MAP7D3: variants seen among roughly 807,000 people sequenced by gnomAD.
The protein encoded by MAP7D3 is MAP7 domain-containing protein 3.
MAP7D3 carries 45 observed loss-of-function variants against 62.2 expected under a neutral mutation model. The observed-to-expected ratio is 0.72, with a 90% confidence interval of 0.57 to 0.93. The LOEUF (loss-of-function observed/expected upper bound fraction) is 0.93, where lower values mean the gene tolerates loss of function less well. Among genes scored for constraint, MAP7D3 ranks in the 40% least tolerant of loss-of-function variants. The probability of loss-of-function intolerance (pLI) is 0.00; values close to 1 mark genes in which losing one functional copy is unlikely to be tolerated. For missense variants in MAP7D3, 711 were observed against 683.1 expected, an observed-to-expected ratio of 1.04 and a Z score of -0.45; for synonymous variants, 288 against 248.8, an observed-to-expected ratio of 1.16 and a Z score of -1.48.
chrX:136,240,443 A>G lies in MAP7D3; in HGVS notation c.579T>C (p.Thr193=). Residue 193 remains threonine (T), a synonymous_variant, in exon 6 of 19, where the codon ACT becomes ACC. Transcript: ENST00000316077. The stretch of plus-strand genomic sequence containing the variant: ...AAGGCATTTGTCTGATTAAAGCAGA[A>G]GTACCCTGTTCAAGTTTTTCAGTAG... ...SASTEKLEQG[T]SALIRQMPLS... is the part of the protein sequence containing the mutation. 2.5e-6 allele frequency: 3 copies of G among 1,206,572 alleles called. No homozygotes were observed. Among genetic ancestry groups the G allele is most frequent in the Non-Finnish European group, 3.4e-6 (3 of 890,688 alleles).
At chrX:136,253,753 G>A (rs2074536014), upstream of MAP7D3, among the ~76,000 whole-genome samples, 1 of 111,786 alleles carries the variant, frequency 8.9e-6, no homozygotes. Flanking sequence ...TTGGGAGGCT[G>A]AGGCCGGCAC....
At chrX:136,245,933 T>C (rs1327713141) in intron 3 of MAP7D3, 132 bp downstream of exon 3, 2 of 383,339 alleles carry the variant, frequency 5.2e-6, no homozygotes, top group African/African-American at 5.3e-5. Flanking sequence ...AGTAAAAGGA[T>C]TTAATCCAAA....
intron 15 of MAP7D3, 29 bp from the exon 16 acceptor site, chrX:136,220,992 T>C (rs978504485): frequency 2.9e-6 from 3 of 1,046,566 alleles, no homozygotes; most frequent in African/African-American, 1.8e-5. Context: ...CAATTAAATA[T>C]GGAGTTTCAA....
At chrX:136,252,169 A>G (rs1012769433), upstream of MAP7D3, among the ~76,000 whole-genome samples, 2 of 110,827 alleles carry the variant, frequency 1.8e-5, no homozygotes, top group African/African-American at 6.6e-5. Flanking sequence ...GTAGTGACAT[A>G]GTTGTAGGCA....
chrX:136,240,357 T>G, intron 6 of MAP7D3, 25 bp downstream of exon 6: 1 of 915,949 alleles, frequency 1.1e-6, no homozygotes, highest in Non-Finnish European at 1.6e-6. Flanking sequence ...AGAAATTCAG[T>G]AGAATACATG....
chrX:136,231,658 T>C lies in MAP7D3; in HGVS notation c.1299A>G (p.Ser433=). ...GAGATGCCTCCATGCTCTCCTTGGG[T>C]GACCCTTTCACACTCTCCTTGGGGG... is the stretch of plus-strand genomic sequence containing the variant. The part of the protein sequence containing the change: ...EVAPKESVKG[S]PKESMEASPE... Residue 433 remains serine, a synonymous_variant, in exon 8 of 19, where the codon TCA becomes TCG. Transcript: ENST00000316077. 1 of 1,205,861 alleles carries C rather than the reference T, an allele frequency of 8.3e-7. No homozygotes were observed. Among genetic ancestry groups the C allele is most frequent in the Non-Finnish European group, 1.1e-6 (1 of 890,833 alleles).
Position 136,225,947 on chromosome X carries a change from T to G in MAP7D3, c.2101A>C (p.Met701Leu). 9 of 1,204,719 alleles carry G rather than the reference T, an allele frequency of 7.5e-6. No homozygotes were observed. Among genetic ancestry groups the G allele is most frequent in the Non-Finnish European group, 9.0e-6 (8 of 890,984 alleles). Residue 701 changes from methionine to leucine, a missense_variant, in exon 13 of 19, where the codon ATG becomes CTG. Met to Leu is a conservative substitution (Grantham distance 15, BLOSUM62 2). Coordinates refer to ENST00000316077, the MANE Select transcript of MAP7D3 (RefSeq NM_024597.4). ...DKRKKEHERIMLQNLQERLER... is the reference protein window; with the variant it reads ...DKRKKEHERILLQNLQERLER... ...AACCGTTCTTGTAAATTTTGTAACA[T>G]AATTCTCTCGTGTTCTTTCTTGCGT...
Position 136,230,945 on chromosome X carries a change from C to A in MAP7D3, c.1435G>T (p.Ala479Ser). ...CGCTTCTTGGCAATAGGGATTAAGG[C>A]CTGTTTGTCCATTTCTGATTTCTGA... ...APKKSEMDKQALIPIAKKRLS... is the reference protein window; with the variant it reads ...APKKSEMDKQSLIPIAKKRLS... Residue 479 changes from alanine (A) to serine (S), a missense_variant, in exon 9 of 19, where the codon GCC becomes TCC. Physicochemically the swap from Ala to Ser is moderately conservative, Grantham distance 99. Coordinates refer to ENST00000316077, the MANE Select transcript of MAP7D3 (RefSeq NM_024597.4). 1 of 1,198,388 alleles carries A rather than the reference C, an allele frequency of 8.3e-7. No individual in the cohort carries two copies. Among genetic ancestry groups the A allele is most frequent in the South Asian group, 1.8e-5 (1 of 55,842 alleles).
chrX:136,243,989 A>G (rs2074419343), intron 4 of MAP7D3, among the ~76,000 whole-genome samples: 1 of 111,874 alleles, frequency 8.9e-6, no homozygotes. Flanking sequence ...AAAGACACCA[A>G]AAGAGAATCC....
chrX:136,227,188 T>G, intron 12 of MAP7D3, 96 bp downstream of exon 12: 3 of 727,838 alleles, frequency 4.1e-6, no homozygotes, highest in Non-Finnish European at 6.1e-6. Context: ...AATCTGCTCA[T>G]GTCTTCTTTC....
chrX:136,234,375 C>T (rs1474637332), intron 7 of MAP7D3, among the ~76,000 whole-genome samples: 1 of 111,106 alleles, frequency 9.0e-6, no homozygotes, highest in Non-Finnish European at 1.9e-5. Flanking sequence ...AAGGGTGGCT[C>T]TATGCTATTC....
intron 7 of MAP7D3, among the ~76,000 whole-genome samples, chrX:136,234,323 T>A (rs990596387): frequency 2.7e-5 from 3 of 111,537 alleles, no homozygotes; most frequent in African/African-American, 9.8e-5. Flanking sequence ...TCTGAAGATG[T>A]TTCATGTTAA....
chrX:136,215,581 A>G (rs2074056371), downstream of MAP7D3, among the ~76,000 whole-genome samples: 1 of 112,130 alleles, frequency 8.9e-6, no homozygotes, highest in Admixed American at 9.5e-5. Context: ...AATAATAGAA[A>G]TGAAGTGCAC....
intron 1 of MAP7D3, among the ~76,000 whole-genome samples, chrX:136,249,296 A>G (rs2148424687): frequency 8.9e-6 from 1 of 112,557 alleles, no homozygotes; most frequent in East Asian, 2.8e-4. Flanking sequence ...ATTGGTAGAA[A>G]TTATTCTTTG....
chrX:136,233,245 T>A (rs1462145713), intron 7 of MAP7D3, among the ~76,000 whole-genome samples: 1 of 108,703 alleles, frequency 9.2e-6, no homozygotes, highest in East Asian at 2.9e-4. Context: ...AAAAACATCT[T>A]CTACACGAAA....
chrX:136,237,704 C>G (rs1372618070), intron 6 of MAP7D3, among the ~76,000 whole-genome samples: 1 of 111,583 alleles, frequency 9.0e-6, no homozygotes, highest in Non-Finnish European at 1.9e-5. Context: ...TAATTATTAT[C>G]TTGAAGTCAT....
rs747701786 is a variant in MAP7D3 at position 136,231,770 on chromosome X, A to G, written c.1187T>C (p.Val396Ala). Reference protein sequence around the residue: ...PEASLEAPPEVSLEALPEVSV... With the variant: ...PEASLEAPPEASLEALPEVSV... Reference sequence around the variant, plus strand: ...CACCTCTGGCAGTGCTTCCAGACTCACTTCCGGGGGTGCTTCCAGGCTCGC... The same window carrying G: ...CACCTCTGGCAGTGCTTCCAGACTCGCTTCCGGGGGTGCTTCCAGGCTCGC... The change falls in exon 8 of 19, where the codon GTG becomes GCG. Residue 396 changes from valine to alanine, a missense_variant. Physicochemically the swap from Val to Ala is moderately conservative, Grantham distance 64. Transcript: ENST00000316077. The G allele has an allele frequency of 5.0e-6, 6 of 1,208,406 alleles. No homozygotes were observed. The highest frequency in any genetic ancestry group is 5.6e-6 in the Non-Finnish European group (5 of 894,741).
In MAP7D3 at chrX:136,246,156, A is replaced by G. The variant is rs1271899763; in HGVS notation, c.170-8T>C. 1.0e-5 allele frequency: 12 copies of G among 1,162,285 alleles called. No individual in the cohort carries two copies. Among genetic ancestry groups the G allele is most frequent in the Non-Finnish European group, 1.4e-5 (12 of 856,802 alleles). On this transcript the variant is annotated splice_region_variant and splice_polypyrimidine_tract_variant and intron_variant, in intron 2 of 18. Transcript: ENST00000316077. ...GCATGGATCCATCGATTACTAAAAA[A>G]AAAAGAATATAGTTAGATATTAATA...
chrX:136,226,520 T>C, intron 12 of MAP7D3, among the ~76,000 whole-genome samples: 1 of 112,227 alleles, frequency 8.9e-6, no homozygotes, highest in East Asian at 2.8e-4. Flanking sequence ...ATTTACCCAG[T>C]GACTTGACTT....
Sources: gnomAD v4.1 joint callset for allele counts (sites outside exome capture counted in the v4.1 genomes callset) on GRCh38, gnomAD v4.1.1 for gene constraint, MANE v1.5 for transcripts, NCBI Gene and HGNC (gene_info 2026-07-23, HGNC 2026-07-21) for gene names.